SPTBN1: variants seen among roughly 807,000 people sequenced by gnomAD.
SPTBN1 encodes the protein spectrin beta, non-erythrocytic 1, also known as spectrin beta chain, non-erythrocytic 1.
SPTBN1 carries 32 observed loss-of-function variants against 266.4 expected under a neutral mutation model. The ratio of observed to expected loss-of-function variants is 0.12; its 90% CI spans 0.09 to 0.16. The LOEUF (loss-of-function observed/expected upper bound fraction) is 0.16, where lower values mean the gene tolerates loss of function less well. SPTBN1 is among the 10% of genes least tolerant of loss of function. SPTBN1 has a pLI of 1.00. For missense variants in SPTBN1, 2,296 were observed against 3,067.1 expected, an observed-to-expected ratio of 0.75 and a Z score of 5.94; for synonymous variants, 1,336 against 1,162.2, an observed-to-expected ratio of 1.15 and a Z score of -3.04.
At chr2:54,579,112 ATATATAT>A (rs1366860682) in intron 2 of SPTBN1, among the ~76,000 whole-genome samples, 24 of 152,294 alleles carry the variant, frequency 1.6e-4, no homozygotes, top group Admixed American at 6.5e-5. Context: ...CACCAACCTA[ATATATAT>A]TATATATTCC....
intron 1 of SPTBN1, among the ~76,000 whole-genome samples, chr2:54,494,763 C>A (rs1453365023): frequency 6.6e-6 from 1 of 152,082 alleles, no homozygotes; most frequent in South Asian, 2.1e-4. Context: ...GAGGCATGGA[C>A]TCCAAAGAGG....
rs773513812 is a variant in SPTBN1, at chr2:54,629,132, C to T, written c.1998C>T (p.Tyr666=). The change falls in exon 14 of 36, where the codon TAC becomes TAT. Residue 666 remains tyrosine (Y), a synonymous_variant. Coordinates refer to ENST00000356805, the MANE Select transcript of SPTBN1 (RefSeq NM_003128.3). ...AGAAGATCCTGTCCTCGGACGATTA[C>T]GGGAAAGACCTGACCAGCGTCATGC... The part of the protein sequence containing the change: ...EKEKILSSDD[Y]GKDLTSVMRL... 5.6e-6 allele frequency: 9 copies of T among 1,613,586 alleles called. No homozygotes were observed. The highest frequency in any genetic ancestry group is 1.7e-5 in the Admixed American group (1 of 60,020).
At chr2:54,582,285 A>T (rs1479938609) in intron 2 of SPTBN1, among the ~76,000 whole-genome samples, 1 of 152,148 alleles carries the variant, frequency 6.6e-6, no homozygotes, top group East Asian at 1.9e-4. Flanking sequence ...CTTAAAAAGG[A>T]AGGTGTCGAT....
intron 2 of SPTBN1, among the ~76,000 whole-genome samples, chr2:54,598,560 C>G (rs1676258718): frequency 6.6e-6 from 1 of 152,178 alleles, no homozygotes; most frequent in South Asian, 2.1e-4. Context: ...TTGCCCAATC[C>G]TTTGTAGATG....
chr2:54,548,858 G>A (rs1409234934), intron 2 of SPTBN1, among the ~76,000 whole-genome samples: 6 of 152,156 alleles, frequency 3.9e-5, no homozygotes, highest in African/African-American at 1.4e-4. Context: ...TGTTACCTAG[G>A]CTGGCATAGG....
chr2:54,559,290 A>G (rs755225328), intron 2 of SPTBN1, among the ~76,000 whole-genome samples: 4 of 152,190 alleles, frequency 2.6e-5, no homozygotes, highest in Non-Finnish European at 5.9e-5. Flanking sequence ...TGCCGTGCTC[A>G]GACCCAGTCC....
At chr2:54,615,995 TTCTG>T (rs1677582078) in intron 4 of SPTBN1, among the ~76,000 whole-genome samples, 1 of 152,224 alleles carries the variant, frequency 6.6e-6, no homozygotes, top group South Asian at 2.1e-4. Flanking sequence ...CCCGTCAGCC[TTCTG>T]TCTGTGTGAC....
chr2:54,606,719 G>A (rs1336922725), intron 3 of SPTBN1, among the ~76,000 whole-genome samples: 1 of 152,220 alleles, frequency 6.6e-6, no homozygotes, highest in Non-Finnish European at 1.5e-5. Context: ...GCCATATGCA[G>A]TTCTGTGACT....
chr2:54,661,784 C>A, intron 32 of SPTBN1: 1 of 985,112 alleles, frequency 1.0e-6, no homozygotes, highest in Admixed American at 6.1e-5. Context: ...GGACTGACAC[C>A]CAATTTGACA....
intron 2 of SPTBN1, among the ~76,000 whole-genome samples, chr2:54,575,092 A>G (rs183136164): frequency 1.9e-4 from 29 of 152,362 alleles, no homozygotes; most frequent in Middle Eastern, 6.8e-3. Flanking sequence ...CTTCGTCTAA[A>G]TAGGTGGAGA....
chr2:54,579,305 C>T (rs921234089), intron 2 of SPTBN1, among the ~76,000 whole-genome samples: 9 of 152,052 alleles, frequency 5.9e-5, no homozygotes. Flanking sequence ...AGAATGTCAC[C>T]CAGAGATCGA....
intron 1 of SPTBN1, among the ~76,000 whole-genome samples, chr2:54,477,709 C>G (rs770017492): frequency 2.6e-5 from 4 of 152,062 alleles, no homozygotes; most frequent in African/African-American, 7.2e-5. Flanking sequence ...GTCAGGAGTT[C>G]GAGACCAGCC....
chr2:54,526,504 A>G lies in SPTBN1; in HGVS notation c.86A>G (p.Asp29Gly). 2.5e-6 allele frequency: 4 copies of G among 1,614,198 alleles called. No homozygotes were observed. The highest frequency in any genetic ancestry group is 3.4e-6 in the Non-Finnish European group (4 of 1,180,034). ...GTCAACAACCGCTGGGATGTCGACG[A>G]CTGGGACAATGAGAACAGCTCTGCG... ...SDVNNRWDVD[D>G]WDNENSSARL... is the part of the protein sequence containing the mutation. The change falls in exon 2 of 36, where the codon GAC becomes GGC. Residue 29 changes from aspartate to glycine, a missense_variant. Physicochemically the swap from Asp to Gly is moderately conservative, Grantham distance 94. Transcript: ENST00000356805.
At chr2:54,504,996 G>A (rs1024413277) in intron 1 of SPTBN1, among the ~76,000 whole-genome samples, 2 of 152,144 alleles carry the variant, frequency 1.3e-5, no homozygotes, top group African/African-American at 4.8e-5. Flanking sequence ...TTTGTTTATA[G>A]AGTGCAAATA....
At chr2:54,569,943 G>A (rs1188123099) in intron 2 of SPTBN1, among the ~76,000 whole-genome samples, 1 of 151,330 alleles carries the variant, frequency 6.6e-6, no homozygotes, top group East Asian at 1.9e-4. Context: ...TGTTTAGTTT[G>A]CCTGAAAATG....
At chr2:54,473,393 T>G (rs1558756503) in intron 1 of SPTBN1, among the ~76,000 whole-genome samples, 1 of 152,230 alleles carries the variant, frequency 6.6e-6, no homozygotes, top group Non-Finnish European at 1.5e-5. Flanking sequence ...GGCAAATGAA[T>G]TCTATATGGC....
At chr2:54,483,993 G>A (rs1472434150) in intron 1 of SPTBN1, among the ~76,000 whole-genome samples, 3 of 152,080 alleles carry the variant, frequency 2.0e-5, no homozygotes, top group Non-Finnish European at 2.9e-5. Context: ...CCAGGGGTTC[G>A]AGACCAGCCT....
chr2:54,499,822 G>C (rs1227458506), intron 1 of SPTBN1, among the ~76,000 whole-genome samples: 1 of 152,066 alleles, frequency 6.6e-6, no homozygotes, highest in African/African-American at 2.4e-5. Context: ...TGAACTAATA[G>C]TACATAATAA....
At chr2:54,550,797 G>T (rs1160228886) in intron 2 of SPTBN1, among the ~76,000 whole-genome samples, 1 of 152,216 alleles carries the variant, frequency 6.6e-6, no homozygotes, top group Non-Finnish European at 1.5e-5. Context: ...CAGCTAGGTT[G>T]AAAGTCCCTG....
Sources: allele counts gnomAD v4.1 joint callset (sites outside exome capture counted in the v4.1 genomes callset), GRCh38; gene constraint gnomAD v4.1.1; transcripts MANE v1.5; gene names NCBI Gene and HGNC (gene_info 2026-07-23, HGNC 2026-07-21).